The following UNC80 variants were observed in gnomAD, a reference collection of about 807,000 sequenced individuals.
The protein encoded by UNC80 is protein unc-80 homolog.
In UNC80, 164 loss-of-function variants were observed where a neutral mutation model predicts 384.6. The observed-to-expected ratio is 0.43, with a 90% CI of 0.38 to 0.49. The LOEUF is 0.49. Among genes scored for constraint, UNC80 ranks in the 20% least tolerant of loss-of-function variants. The pLI, the probability that UNC80 is intolerant of heterozygous loss-of-function variation, is 0.00. For missense variants in UNC80, 3,330 were observed against 4,143.0 expected, an observed-to-expected ratio of 0.80 and a Z score of 5.39; for synonymous variants, 1,486 against 1,527.8, an observed-to-expected ratio of 0.97 and a Z score of 0.64.
chr2:209,928,580 G>T (rs1034635969), intron 36 of UNC80, among the ~76,000 whole-genome samples: 1 of 151,818 alleles, frequency 6.6e-6, no homozygotes, highest in Admixed American at 6.6e-5. Context: ...CATATTTATG[G>T]GGTACAGTGA....
intron 22 of UNC80, among the ~76,000 whole-genome samples, chr2:209,861,732 G>A (rs1368361590): frequency 1.3e-5 from 2 of 152,064 alleles, no homozygotes; most frequent in African/African-American, 4.8e-5. Flanking sequence ...TTCTATACAG[G>A]GATTCAACTT....
intron 47 of UNC80, among the ~76,000 whole-genome samples, chr2:209,953,075 G>C (rs2092260896): frequency 6.6e-6 from 1 of 152,086 alleles, no homozygotes. Flanking sequence ...CATCACTGCT[G>C]TTTTCTAGAA....
At chr2:209,819,406 C>G in intron 12 of UNC80, 145 bp downstream of exon 12, 2 of 659,410 alleles carry the variant, frequency 3.0e-6, no homozygotes, top group South Asian at 4.1e-5. Flanking sequence ...AAAAATTCAC[C>G]AATGTTTCAA....
chr2:209,936,929 A>C lies in UNC80; in HGVS notation c.6359A>C (p.Asn2120Thr). The C allele has an allele frequency of 6.5e-7, 1 of 1,544,032 alleles. No homozygotes were observed. Among genetic ancestry groups the C allele is most frequent in the Non-Finnish European group, 8.8e-7 (1 of 1,140,122 alleles). The change falls in exon 41 of 65, where the codon AAT (asparagine) becomes ACT (threonine). Residue 2120 changes from asparagine to threonine, a missense_variant. Physicochemically the swap from Asn to Thr is moderately conservative, Grantham distance 65 (BLOSUM62 0). Transcript: ENST00000673920. ...AAACGATGGAACCTTATCCACTACAATAAGGTGAGACACCAGTAGTGACAT... is the reference window on the plus strand; with the variant it reads ...AAACGATGGAACCTTATCCACTACACTAAGGTGAGACACCAGTAGTGACAT... ...MDKRWNLIHY[N>T]KTYVRDIYPF... is the part of the protein sequence containing the mutation.
intron 6 of UNC80, among the ~76,000 whole-genome samples, chr2:209,791,850 A>G (rs938420497): frequency 7.5e-6 from 1 of 132,652 alleles, no homozygotes; most frequent in East Asian, 2.5e-4. Flanking sequence ...AAAAAAAAAG[A>G]TCTCAATTCC....
chr2:209,981,296 C>G (rs567849896), intron 59 of UNC80, among the ~76,000 whole-genome samples: 14 of 152,088 alleles, frequency 9.2e-5, no homozygotes, highest in East Asian at 1.9e-4. Context: ...TTCTGCTTCT[C>G]GCTGGGCACG....
chr2:209,984,942 T>G, intron 61 of UNC80, 30 bp downstream of exon 61: 1 of 1,539,046 alleles, frequency 6.5e-7, no homozygotes, highest in Non-Finnish European at 8.8e-7. Context: ...TGTCTATTGG[T>G]GTCTGTGCTG....
At chr2:209,813,177 C>T (rs1222787391) in intron 7 of UNC80, among the ~76,000 whole-genome samples, 2 of 152,108 alleles carry the variant, frequency 1.3e-5, no homozygotes, top group Non-Finnish European at 2.9e-5. Context: ...TAATCTGAAC[C>T]TCATCTATTT....
At chr2:209,857,115 A>G (rs2124853383) in intron 22 of UNC80, among the ~76,000 whole-genome samples, 1 of 152,130 alleles carries the variant, frequency 6.6e-6, no homozygotes, top group Middle Eastern at 3.4e-3. Context: ...TCCATTTTCC[A>G]TGTATCCTGA....
chr2:209,878,997 G>T (rs1253589853), intron 24 of UNC80, among the ~76,000 whole-genome samples: 1 of 151,432 alleles, frequency 6.6e-6, no homozygotes, highest in Non-Finnish European at 1.5e-5. Flanking sequence ...AAGAATCAAA[G>T]AAAACTCTTA....
At chr2:209,779,267 A>G (rs2077030111) in intron 4 of UNC80, among the ~76,000 whole-genome samples, 1 of 151,888 alleles carries the variant, frequency 6.6e-6, no homozygotes, top group Non-Finnish European at 1.5e-5. Flanking sequence ...AACCATCTTC[A>G]GGCTTGTGGG....
Position 209,888,272 on chromosome 2 carries a change from C to G in UNC80, c.4276+12C>G. On this transcript the variant is annotated intron_variant, in intron 26 of 64. Coordinates refer to ENST00000673920, the MANE Select transcript of UNC80 (RefSeq NM_001371986.1). ...CGAGGAGAAGAAAGGTATGGAAACA[C>G]AAAGGTTCCTTCATGTTTCAGGGTT... is the stretch of plus-strand genomic sequence containing the variant. 2 of 1,551,218 alleles carry G rather than the reference C, an allele frequency of 1.3e-6. No homozygotes were observed. The highest frequency in any genetic ancestry group is 1.7e-6 in the Non-Finnish European group (2 of 1,146,670).
At chr2:209,900,253 C>T (rs1384022990) in intron 28 of UNC80, among the ~76,000 whole-genome samples, 1 of 152,090 alleles carries the variant, frequency 6.6e-6, no homozygotes, top group Non-Finnish European at 1.5e-5. Context: ...AGGTTTGTGG[C>T]AACCCTGCAT....
At chr2:209,937,999 C>A (rs923955119) in intron 42 of UNC80, among the ~76,000 whole-genome samples, 1 of 151,524 alleles carries the variant, frequency 6.6e-6, no homozygotes, top group African/African-American at 2.4e-5. Context: ...TTTACACTAG[C>A]TGGCTACACA....
intron 3 of UNC80, 151 bp downstream of exon 3, chr2:209,776,196 A>G: frequency 3.0e-6 from 3 of 1,004,448 alleles, no homozygotes; most frequent in Non-Finnish European, 4.1e-6. Flanking sequence ...TCACACTTAT[A>G]CTCATTATTT....
chr2:209,920,938 A>G (rs2089988325), intron 33 of UNC80, among the ~76,000 whole-genome samples: 2 of 151,326 alleles, frequency 1.3e-5, no homozygotes, highest in Non-Finnish European at 2.9e-5. Context: ...AGCAATTCTC[A>G]TGCCTCAGCC....
At chr2:209,986,227 G>A (rs1327743717) in intron 61 of UNC80, among the ~76,000 whole-genome samples, 1 of 152,196 alleles carries the variant, frequency 6.6e-6, no homozygotes, top group Non-Finnish European at 1.5e-5. Context: ...AATTACATGT[G>A]TGATGGGAAC....
chr2:209,802,848 T>C (rs1215982815), intron 7 of UNC80, among the ~76,000 whole-genome samples: 1 of 152,214 alleles, frequency 6.6e-6, no homozygotes, highest in Non-Finnish European at 1.5e-5. Context: ...TTACAGTTTC[T>C]CTCAGGTTGT....
chr2:209,773,740 T>A (rs1024893899), intron 2 of UNC80, among the ~76,000 whole-genome samples: 3 of 152,218 alleles, frequency 2.0e-5, no homozygotes, highest in African/African-American at 4.8e-5. Flanking sequence ...GAAGTTCATA[T>A]GATGGAGTGC....
Sources: allele counts gnomAD v4.1 joint callset (sites outside exome capture counted in the v4.1 genomes callset), GRCh38; gene constraint gnomAD v4.1.1; transcripts MANE v1.5; gene names NCBI Gene and HGNC (gene_info 2026-07-23, HGNC 2026-07-21).